The following IRS4 variants were observed in gnomAD, a reference collection of about 807,000 sequenced individuals.
The protein encoded by IRS4 is insulin receptor substrate 4.
In IRS4, 15 loss-of-function variants were observed where a neutral mutation model predicts 48.6. The ratio of observed to expected loss-of-function variants is 0.31; its 90% confidence interval spans 0.21 to 0.48. The LOEUF is 0.48. Ranked by LOEUF, IRS4 falls within the 20% of genes least tolerant of loss-of-function variation. The probability of loss-of-function intolerance (pLI) is 0.99; values close to 1 mark genes in which losing one functional copy is unlikely to be tolerated. For missense variants in IRS4, 987 were observed against 1,023.4 expected (o/e 0.96, Z 0.49); for synonymous variants, 459 against 413.2 (o/e 1.11, Z -1.34).
In IRS4 at chrX:108,735,882, A is replaced by G; in HGVS notation, c.463T>C (p.Ser155Pro). Residue 155 changes from serine (S) to proline (P), a missense_variant, in exon 1 of 2, where the codon TCC becomes CCC. By Grantham distance (74) the Ser-to-Pro change is moderately conservative (BLOSUM62 -1). Coordinates refer to ENST00000372129, the MANE Select transcript of IRS4 (RefSeq NM_001379150.1). ...RRVITLYQCF[S>P]VSQRADARYR... ...CTTGCATCTGCTCGCTGGCTCACGG[A>G]AAAGCACTGGTATAGGGTGATCACG... 8.3e-7 allele frequency: 1 copy of G among 1,209,782 alleles called. No individual in the cohort carries two copies. The highest frequency in any genetic ancestry group is 1.1e-6 in the Non-Finnish European group (1 of 894,773).
In IRS4 at chrX:108,729,872, T is replaced by C. The variant is rs768353231; in HGVS notation, c.3766+2707A>G. Among the ~76,000 whole-genome samples the C allele has an allele frequency of 1.2e-4, 13 of 112,204 alleles. No homozygotes were observed. The South Asian group carries it at 2.2e-3, about 19-fold the overall frequency. On this transcript the variant is annotated intron_variant, in intron 1 of 1. Transcript: ENST00000372129. ...AGTAAAGACTAACTGAAAAGTGAGA[T>C]TTTCAGATGGAGAATCTTAATTTAG...
intron 1 of IRS4, among the ~76,000 whole-genome samples, chrX:108,727,643 A>T (rs1055453097): frequency 2.7e-5 from 3 of 112,413 alleles, no homozygotes; most frequent in African/African-American, 6.5e-5. Flanking sequence ...CCTCTTAGAG[A>T]AAATATACTG....
In IRS4 at chrX:108,735,425, A is replaced by G. The variant is rs377326625; in HGVS notation, c.920T>C (p.Leu307Pro). ...GRSTVIGPGE[L>P]WMQVDDCVVA... Reference sequence around the variant, plus strand: ...CACACAGTCATCGACCTGCATCCAGAGCTCTCCCGGACCGATGACAGTGGA... The same window carrying G: ...CACACAGTCATCGACCTGCATCCAGGGCTCTCCCGGACCGATGACAGTGGA... Residue 307 changes from leucine to proline, a missense_variant, in exon 1 of 2, where the codon CTC becomes CCC. Physicochemically the swap from Leu to Pro is moderately conservative, Grantham distance 98. Around this residue, in one of 4 missense-constraint regions of IRS4, gnomAD observed 74 missense variants for 100.4 expected, o/e 0.74. Transcript: ENST00000372129. 2.5e-6 allele frequency: 3 copies of G among 1,210,974 alleles called. No individual in the cohort carries two copies.
At position 108,733,471 on chromosome X, in the gene IRS4, A is replaced by G; in HGVS notation, c.2874T>C (p.Asn958=). The G allele has an allele frequency of 8.3e-7, 1 of 1,211,416 alleles. No individual in the cohort carries two copies. Among genetic ancestry groups the G allele is most frequent in the South Asian group, 1.8e-5 (1 of 56,953 alleles). ...IAEPRQSAFS[N]YVNVEFGVPF... is the part of the protein sequence containing the mutation. ...GCACTCCAAACTCAACATTCACATA[A>G]TTAGAAAAGGCTGACTGTCTGGGTT... Residue 958 remains asparagine, a synonymous_variant, in exon 1 of 2, where the codon AAT becomes AAC. Coordinates refer to ENST00000372129, the MANE Select transcript of IRS4 (RefSeq NM_001379150.1).
intron 1 of IRS4, among the ~76,000 whole-genome samples, chrX:108,729,965 A>G (rs1170040039): frequency 8.9e-6 from 1 of 112,247 alleles, no homozygotes; most frequent in Non-Finnish European, 1.9e-5. Context: ...AAAATAATTC[A>G]TGTATAGTAC....
At chrX:108,722,569 G>A (rs1481643734) in intron 1 of IRS4, 46 bp from the exon 2 acceptor site, 2 of 319,020 alleles carry the variant, frequency 6.3e-6, no homozygotes, top group Admixed American at 6.6e-5. Context: ...GAATTAATGT[G>A]GAGAGCTGTC....
At position 108,735,861 on chromosome X, in the gene IRS4, C is replaced by T; in HGVS notation, c.484G>A (p.Ala162Thr). The T allele has an allele frequency of 8.3e-7, 1 of 1,209,637 alleles. No homozygotes were observed. Among genetic ancestry groups the T allele is most frequent in the Non-Finnish European group, 1.1e-6 (1 of 894,459 alleles). ...QCFSVSQRAD[A>T]RYRHLIALFT... is the part of the protein sequence containing the mutation. Reference sequence around the variant, plus strand: ...AGAGCAATGAGGTGTCGGTACCTTGCATCTGCTCGCTGGCTCACGGAAAAG... The same window carrying T: ...AGAGCAATGAGGTGTCGGTACCTTGTATCTGCTCGCTGGCTCACGGAAAAG... Residue 162 changes from alanine to threonine, a missense_variant, in exon 1 of 2, where the codon GCA (alanine) becomes ACA (threonine). Ala to Thr is a moderately conservative substitution (Grantham distance 58). Around this residue, in one of 4 missense-constraint regions of IRS4, gnomAD observed 173 missense variants for 208.9 expected, o/e 0.83. Transcript: ENST00000372129.
At position 108,734,549 on chromosome X, in the gene IRS4, C is replaced by G. The variant is rs1322458549; in HGVS notation, c.1796G>C (p.Gly599Ala). Residue 599 changes from glycine to alanine, a missense_variant, in exon 1 of 2, where the codon GGA becomes GCA. Physicochemically the swap from Gly to Ala is moderately conservative, Grantham distance 60 (BLOSUM62 0). Around this residue, in one of 4 missense-constraint regions of IRS4, gnomAD observed 720 missense variants for 660.3 expected, o/e 1.09. Transcript: ENST00000372129. ...TCCACGTTCACCATCACCATCGGAT[C>G]CTTTCCCACTTCCTGAGCCTTTGCC... ...GGGKGSGSGK[G>A]SDGDGERGKS... 3 of 1,209,568 alleles carry G rather than the reference C, an allele frequency of 2.5e-6. No homozygotes were observed. The East Asian group carries it at 8.9e-5, about 36-fold the overall frequency.
rs749317580 is a variant in IRS4, at chrX:108,734,354, G to C, written c.1991C>G (p.Thr664Arg). The change falls in exon 1 of 2, where the codon ACG becomes AGG. Residue 664 changes from threonine (T) to arginine (R), a missense_variant. Thr to Arg is a moderately conservative substitution (Grantham distance 71). Around this residue, in one of 4 missense-constraint regions of IRS4, gnomAD observed 720 missense variants for 660.3 expected, o/e 1.09. Coordinates refer to ENST00000372129, the MANE Select transcript of IRS4 (RefSeq NM_001379150.1). ...RLYFCVDRGATKECKEAKEVK... is the reference protein window; with the variant it reads ...RLYFCVDRGARKECKEAKEVK... ...TTCTTTGGCTTCTTTGCATTCTTTCGTGGCTCCTCTGTCAACACAAAAATA... is the reference window on the plus strand; with the variant it reads ...TTCTTTGGCTTCTTTGCATTCTTTCCTGGCTCCTCTGTCAACACAAAAATA... The C allele has an allele frequency of 1.7e-6, 2 of 1,208,799 alleles. No individual in the cohort carries two copies. The highest frequency in any genetic ancestry group is 1.8e-5 in the South Asian group (1 of 56,715).
intron 1 of IRS4, chrX:108,724,104 T>C (rs1427449529): frequency 8.9e-6 from 1 of 112,680 alleles, no homozygotes; most frequent in Non-Finnish European, 1.9e-5. Context: ...CTTGCTGTCT[T>C]ATATGATACA....
At position 108,722,078 on chromosome X, in the gene IRS4, T is replaced by C. The variant is rs1703354465; in HGVS notation, c.*441A>G. 1 of 112,311 alleles carries C rather than the reference T, an allele frequency of 8.9e-6. No individual in the cohort carries two copies. The highest frequency in any genetic ancestry group is 9.4e-5 in the Admixed American group (1 of 10,596). 9.3% of individuals were successfully genotyped at this position (112,311 alleles called of 1,213,427 possible). On this transcript the variant is annotated 3_prime_UTR_variant, in exon 2 of 2. Coordinates refer to ENST00000372129, the MANE Select transcript of IRS4 (RefSeq NM_001379150.1). ...TTCCAATTATGACAGCTGTTTTTTCTTTATGTGCCCTGGTTTAAAGTTTTT... is the reference window on the plus strand; with the variant it reads ...TTCCAATTATGACAGCTGTTTTTTCCTTATGTGCCCTGGTTTAAAGTTTTT...
Position 108,734,398 on chromosome X carries a change from A to G in IRS4, c.1947T>C (p.Ser649=). 2.5e-6 allele frequency: 3 copies of G among 1,211,631 alleles called. No individual in the cohort carries two copies. The highest frequency in any genetic ancestry group is 3.4e-6 in the Non-Finnish European group (3 of 895,447). Reference sequence around the variant, plus strand: ...AAAAATAAAGTCTGAATCTTCCCCCAGACTTCCCTTTTCCACCAGTTCCTC... The same window carrying G: ...AAAAATAAAGTCTGAATCTTCCCCCGGACTTCCCTTTTCCACCAGTTCCTC... The part of the protein sequence containing the change: ...PAGGTGGKGK[S]GGRFRLYFCV... Residue 649 remains serine (S), a synonymous_variant, in exon 1 of 2, where the codon TCT becomes TCC. Transcript: ENST00000372129.
Position 108,722,452 on chromosome X carries a change from G to C in IRS4, c.*67C>G. On this transcript the variant is annotated 3_prime_UTR_variant, in exon 2 of 2. Transcript: ENST00000372129. ...GTTTTCTTTCCTTTAGGCAGATCTG[G>C]AGTAGACGAAGATAAAATTCCATAA... 1 of 317,728 alleles carries C rather than the reference G, an allele frequency of 3.1e-6. No individual in the cohort carries two copies. Among genetic ancestry groups the C allele is most frequent in the Non-Finnish European group, 6.1e-6 (1 of 164,445 alleles). The allele number at this position is 317,728 out of a possible 1,213,427, so 26.2% of individuals were successfully genotyped here.
At chrX:108,724,507 T>A (rs1185382214) in intron 1 of IRS4, 1 of 112,193 alleles carries the variant, frequency 8.9e-6, no homozygotes, top group East Asian at 2.8e-4. Flanking sequence ...CAGATTTGCC[T>A]TTATAATCCT....
intron 1 of IRS4, among the ~76,000 whole-genome samples, chrX:108,725,385 A>T (rs1320919147): frequency 9.5e-6 from 1 of 105,287 alleles, no homozygotes; most frequent in Non-Finnish European, 1.9e-5. Flanking sequence ...CACTCTGTTC[A>T]TTTGACAACA....
Position 108,732,916 on chromosome X carries a change from G to A in IRS4, c.3429C>T (p.Ala1143=), listed in dbSNP as rs1176672040. 8.5e-7 allele frequency: 1 copy of A among 1,181,259 alleles called. No homozygotes were observed. The highest frequency in any genetic ancestry group is 1.1e-6 in the Non-Finnish European group (1 of 878,769). Residue 1143 remains alanine (A), a synonymous_variant, in exon 1 of 2, where the codon GCC becomes GCT. Coordinates refer to ENST00000372129, the MANE Select transcript of IRS4 (RefSeq NM_001379150.1). ...CTGCGGCTGCTGCGCCGATGCCCGG[G>A]GCTGCGGCGAGCGCGGAGGCCGCAG... ...VVAAASALAA[A]PGIGAAAAAA... is the part of the protein sequence containing the mutation.
chrX:108,733,987 G>C lies in IRS4; in HGVS notation c.2358C>G (p.Ala786=), dbSNP rs1305745645. Residue 786 remains alanine, a synonymous_variant, in exon 1 of 2, where the codon GCC becomes GCG. Transcript: ENST00000372129. ...TTCTGGGGTTTTTTGGAATTGCACCGGCTCCAGGAGCCATAAACATGTAGT... is the reference window on the plus strand; with the variant it reads ...TTCTGGGGTTTTTTGGAATTGCACCCGCTCCAGGAGCCATAAACATGTAGT... ...ESDYMFMAPG[A]GAIPKNPRNP... is the part of the protein sequence containing the mutation. 1.7e-6 allele frequency: 2 copies of C among 1,209,655 alleles called. No homozygotes were observed. Among genetic ancestry groups the C allele is most frequent in the African/African-American group, 3.5e-5 (2 of 57,003 alleles).
chrX:108,732,369 A>G (rs2068906554), intron 1 of IRS4: 1 of 525,227 alleles, frequency 1.9e-6, no homozygotes, highest in Non-Finnish European at 3.0e-6. Context: ...AATGATAATC[A>G]GTTCTGTCCA....
chrX:108,730,889 TCAAA>T (rs1345520165), intron 1 of IRS4, among the ~76,000 whole-genome samples: 1 of 112,374 alleles, frequency 8.9e-6, no homozygotes, highest in Non-Finnish European at 1.9e-5. Context: ...ATAGTTAGAC[TCAAA>T]CAATAGATTG....
Sources: allele counts gnomAD v4.1 joint callset (sites outside exome capture counted in the v4.1 genomes callset), GRCh38; gene constraint gnomAD v4.1.1; regional missense constraint gnomAD v4.1.1; transcripts MANE v1.5; gene names NCBI Gene and HGNC (gene_info 2026-07-23, HGNC 2026-07-21).